ALDH3B1: variants seen among roughly 807,000 people sequenced by gnomAD.
The protein encoded by ALDH3B1 is aldehyde dehydrogenase 3 family member B1.
ALDH3B1 carries 37 observed loss-of-function variants against 46.2 expected under a neutral mutation model. The observed-to-expected ratio is 0.80, with a 90% CI of 0.62 to 1.05. The LOEUF (loss-of-function observed/expected upper bound fraction) is 1.05. ALDH3B1 is among the 50% of genes least tolerant of loss of function. The pLI, the probability that ALDH3B1 is intolerant of heterozygous loss-of-function variation, is 0.00. For synonymous variants in ALDH3B1, 283 were observed against 281.0 expected (o/e 1.01, Z -0.07); for missense variants, 603 against 665.5 (o/e 0.91, Z 1.03).
Position 68,019,214 on chromosome 11 carries a change from G to C in ALDH3B1, c.439G>C (p.Glu147Gln), listed in dbSNP as rs779318898. ...LKPSEISKNV[E>Q]KILAEVLPQY... ...GCCATCGGAGATTAGCAAGAACGTC[G>C]AGAAGATCCTGGCCGAGGTGCTGCC... Residue 147 changes from glutamate to glutamine, a missense_variant, in exon 5 of 10, where the codon GAG becomes CAG. Glu to Gln is a conservative substitution (Grantham distance 29). Transcript: ENST00000342456. 6.2e-7 allele frequency: 1 copy of C among 1,613,532 alleles called. No homozygotes were observed. The highest frequency in any genetic ancestry group is 1.3e-5 in the African/African-American group (1 of 75,046).
intron 6 of ALDH3B1, 69 bp from the exon 7 acceptor site, chr11:68,021,416 G>T: frequency 6.4e-7 from 1 of 1,554,264 alleles, no homozygotes. Context: ...GAGGAGCGGG[G>T]CCGTGGGCTG....
At chr11:68,027,431 G>A (rs1014719834) in intron 9 of ALDH3B1, among the ~76,000 whole-genome samples, 2 of 152,212 alleles carry the variant, frequency 1.3e-5, no homozygotes, top group African/African-American at 4.8e-5. Context: ...CCCCACGACA[G>A]AGGAGACTGA....
At chr11:68,015,858 G>T (rs1857340674) in intron 2 of ALDH3B1, 1 of 354,062 alleles carries the variant, frequency 2.8e-6, no homozygotes, top group Non-Finnish European at 5.6e-6. Flanking sequence ...TTGAGGCCAG[G>T]AGTTCAAGAC....
intron 7 of ALDH3B1, 131 bp downstream of exon 7, chr11:68,022,002 A>T: frequency 1.4e-6 from 2 of 1,436,778 alleles, no homozygotes; most frequent in Non-Finnish European, 1.9e-6. Context: ...GCCTTGAGCC[A>T]CAGCTCCAGT....
At chr11:68,011,611 T>C (rs1327451335) in intron 1 of ALDH3B1, among the ~76,000 whole-genome samples, 1 of 152,252 alleles carries the variant, frequency 6.6e-6, no homozygotes, top group Non-Finnish European at 1.5e-5. Context: ...GTATTGGGCC[T>C]GTGGGTCCCC....
At chr11:68,008,589 C>T (rs1009704216), upstream of ALDH3B1, 2 of 152,260 alleles carry the variant, frequency 1.3e-5, no homozygotes, top group Non-Finnish European at 2.9e-5. Flanking sequence ...GGGCTCCATC[C>T]CACACAGAGG....
intron 2 of ALDH3B1, 115 bp downstream of exon 2, chr11:68,015,574 G>C (rs1332007940): frequency 7.2e-6 from 10 of 1,393,680 alleles, no homozygotes; most frequent in Non-Finnish European, 9.0e-6. Context: ...GCTAAAAGCA[G>C]CTCCTCCCCT....
chr11:68,019,697 AC>A lies in ALDH3B1; in HGVS notation c.481-15del. On this transcript the variant is annotated splice_polypyrimidine_tract_variant and intron_variant, in intron 5 of 9. Transcript: ENST00000342456. ...GAGCTGGGGTCCCAGAAGGAGCCTC[AC>A]CCATCCCGCCTTGCAGAGCTGCTTT... 1 of 1,612,736 alleles carries A rather than the reference AC, an allele frequency of 6.2e-7. No individual in the cohort carries two copies. Among genetic ancestry groups the A allele is most frequent in the Non-Finnish European group, 8.5e-7 (1 of 1,179,230 alleles).
chr11:68,015,691 G>C (rs1200197337), intron 2 of ALDH3B1: 3 of 698,886 alleles, frequency 4.3e-6, no homozygotes, highest in Non-Finnish European at 5.2e-6. Context: ...TAGGCTCTGG[G>C]GATATAGCAG....
chr11:68,027,640 A>C, intron 9 of ALDH3B1, 109 bp from the exon 10 acceptor site: 2 of 1,170,616 alleles, frequency 1.7e-6, no homozygotes, highest in Non-Finnish European at 1.2e-6. Flanking sequence ...CCCACTGGAC[A>C]GATGGGGAAA....
chr11:68,026,047 C>G lies in ALDH3B1; in HGVS notation c.1155C>G (p.Gly385=), dbSNP rs749346800. ...TGCTGACCCAGACCAGCAGCGGGGGCTTCTGTGGGAACGACGGCTTCATGC... is the reference window on the plus strand; with the variant it reads ...TGCTGACCCAGACCAGCAGCGGGGGGTTCTGTGGGAACGACGGCTTCATGC... ...KRVLTQTSSG[G]FCGNDGFMHM... is the part of the protein sequence containing the mutation. The change falls in exon 9 of 10, where the codon GGC becomes GGG. Residue 385 remains glycine, a synonymous_variant. Transcript: ENST00000342456. The G allele has an allele frequency of 6.8e-6, 11 of 1,609,082 alleles. No individual in the cohort carries two copies. Among genetic ancestry groups the G allele is most frequent in the Non-Finnish European group, 9.3e-6 (11 of 1,177,722 alleles).
At chr11:68,015,601 T>C in intron 2 of ALDH3B1, 142 bp downstream of exon 2, 2 of 1,046,250 alleles carry the variant, frequency 1.9e-6, no homozygotes, top group Non-Finnish European at 2.9e-6. Flanking sequence ...GAGCCACCCT[T>C]GCACATTCAT....
chr11:68,009,945 T>A (rs1857195812), upstream of ALDH3B1, among the ~76,000 whole-genome samples: 1 of 152,076 alleles, frequency 6.6e-6, no homozygotes, highest in Non-Finnish European at 1.5e-5. Context: ...GGCCATAACA[T>A]TCCACATAAT....
chr11:68,019,650 G>A (rs535721373), intron 5 of ALDH3B1, 65 bp from the exon 6 acceptor site: 67 of 1,557,088 alleles, frequency 4.3e-5, no homozygotes, highest in South Asian at 1.4e-4. Flanking sequence ...CAGGCAGGGC[G>A]GGCTGCTCCC....
rs1370295354 is a variant in ALDH3B1, at chr11:68,018,527, T to C, written c.163T>C (p.Ser55Pro). ...CCCTGACCCCACCCACTTCCTGCAG[T>C]CAGCCTTCGAGTCGGAGGTGTCTGA... The part of the protein sequence containing the change: ...HDALAQDLHK[S>P]AFESEVSEVA... The change falls in exon 3 of 10, where the codon TCA becomes CCA. Residue 55 changes from serine (S) to proline (P), a missense_variant and splice_region_variant. By Grantham distance (74) the Ser-to-Pro change is moderately conservative (BLOSUM62 -1). Transcript: ENST00000342456. 1.1e-5 allele frequency: 18 copies of C among 1,566,456 alleles called. No individual in the cohort carries two copies. The highest frequency in any genetic ancestry group is 1.4e-5 in the Non-Finnish European group (16 of 1,155,562).
intron 8 of ALDH3B1, chr11:68,025,415 T>C (rs1225912182): frequency 6.6e-6 from 1 of 152,254 alleles, no homozygotes; most frequent in African/African-American, 2.4e-5. Context: ...CCAATCTTTT[T>C]TTCCTTTCAG....
At chr11:68,019,867 C>A in intron 6 of ALDH3B1, 71 bp downstream of exon 6, 1 of 1,482,818 alleles carries the variant, frequency 6.7e-7, no homozygotes, top group Non-Finnish European at 9.4e-7. Flanking sequence ...CTGTCCCTAA[C>A]TCTGGGAGTC....
chr11:68,026,390 C>A (rs1857623515), intron 9 of ALDH3B1, among the ~76,000 whole-genome samples: 2 of 152,200 alleles, frequency 1.3e-5, no homozygotes, highest in Admixed American at 1.3e-4. Flanking sequence ...TACCACACAA[C>A]TATGATCACA....
intron 8 of ALDH3B1, among the ~76,000 whole-genome samples, chr11:68,023,960 T>G (rs980443760): frequency 2.1e-4 from 31 of 146,538 alleles, no homozygotes; most frequent in African/African-American, 7.5e-4. Context: ...TGGAAGGATC[T>G]CCTGACCCAT....
Sources: gnomAD v4.1 joint callset for allele counts (sites outside exome capture counted in the v4.1 genomes callset) on GRCh38, gnomAD v4.1.1 for gene constraint, MANE v1.5 for transcripts, NCBI Gene and HGNC (gene_info 2026-07-23, HGNC 2026-07-21) for gene names.